Variants in STARD13 observed in about 807,000 individuals in gnomAD.
STARD13 encodes StAR related lipid transfer domain containing 13, also known as stAR-related lipid transfer protein 13.
A neutral mutation model predicts 106.4 loss-of-function variants in STARD13; 62 were observed. The observed-to-expected ratio is 0.58, with a 90% CI of 0.48 to 0.72. STARD13 has a LOEUF of 0.72. Ranked by LOEUF, STARD13 falls within the 30% of genes least tolerant of loss-of-function variation. STARD13 has a pLI of 0.00. For synonymous variants in STARD13, 565 were observed against 553.0 expected, an observed-to-expected ratio of 1.02 and a Z score of -0.31; for missense variants, 1,387 against 1,424.0, an observed-to-expected ratio of 0.97 and a Z score of 0.42.
At chr13:33,424,915 A>G in the STARD13 span, among the ~76,000 whole-genome samples, 1 of 152,204 alleles carries the variant, frequency 6.6e-6, no homozygotes, top group African/African-American at 2.4e-5. Context: ...CAGCAGAGAA[A>G]GTGGTTTGCT....
the STARD13 span, among the ~76,000 whole-genome samples, chr13:33,358,721 A>G: frequency 3.9e-5 from 6 of 152,166 alleles, no homozygotes; most frequent in African/African-American, 1.4e-4. Context: ...GAGTGCACCA[A>G]TCGACACTCT....
At chr13:33,493,397 G>A in the STARD13 span, among the ~76,000 whole-genome samples, 10 of 152,184 alleles carry the variant, frequency 6.6e-5, no homozygotes, top group Admixed American at 2.6e-4. Context: ...TGTCCAAACC[G>A]GTAGAACTAT....
the STARD13 span, among the ~76,000 whole-genome samples, chr13:33,636,782 C>T: frequency 6.6e-5 from 10 of 152,190 alleles, no homozygotes; most frequent in Non-Finnish European, 1.5e-4. Context: ...TTGGCTGGGT[C>T]GTCAGGACCC....
At chr13:33,540,352 T>A in the STARD13 span, among the ~76,000 whole-genome samples, 6 of 152,188 alleles carry the variant, frequency 3.9e-5, no homozygotes, top group African/African-American at 1.4e-4. Context: ...ATTGCCAGTA[T>A]CACTACTATT....
intron 1 of STARD13, among the ~76,000 whole-genome samples, chr13:33,296,670 G>A (rs1892508216): frequency 6.6e-6 from 1 of 152,166 alleles, no homozygotes; most frequent in Non-Finnish European, 1.5e-5. Flanking sequence ...CCAGGCTGGA[G>A]TGCAATGGTA....
the STARD13 span, among the ~76,000 whole-genome samples, chr13:33,521,700 CAG>C: frequency 6.6e-6 from 1 of 152,070 alleles, no homozygotes; most frequent in South Asian, 2.1e-4. Context: ...TAAGAATTGA[CAG>C]ATTATGATTT....
At chr13:33,446,864 A>G in the STARD13 span, among the ~76,000 whole-genome samples, 1 of 152,206 alleles carries the variant, frequency 6.6e-6, no homozygotes, top group Non-Finnish European at 1.5e-5. Flanking sequence ...TACAGTTAAC[A>G]TTTAAGGAAA....
chr13:33,599,197 A>G, the STARD13 span, among the ~76,000 whole-genome samples: 1 of 152,320 alleles, frequency 6.6e-6, no homozygotes, highest in African/African-American at 2.4e-5. Context: ...AAAAGCAGTA[A>G]GTAAAGAAAT....
intron 1 of STARD13, among the ~76,000 whole-genome samples, chr13:33,321,507 GAA>G (rs552088112): frequency 2.2e-5 from 3 of 133,840 alleles, no homozygotes; most frequent in Admixed American, 7.5e-5. Context: ...CCGTCTCAGG[GAA>G]AAAAAAAAAA....
intron 1 of STARD13, among the ~76,000 whole-genome samples, chr13:33,282,991 C>T (rs562827850): frequency 1.3e-5 from 2 of 152,272 alleles, no homozygotes; most frequent in South Asian, 2.1e-4. Flanking sequence ...GATCACACCA[C>T]TGCACTCCAG....
the STARD13 span, among the ~76,000 whole-genome samples, chr13:33,614,640 G>A: frequency 6.6e-6 from 1 of 152,224 alleles, no homozygotes; most frequent in Non-Finnish European, 1.5e-5. Context: ...AAACAAAACA[G>A]GGTAATGTGA....
At chr13:33,382,031 G>C in the STARD13 span, among the ~76,000 whole-genome samples, 3 of 152,260 alleles carry the variant, frequency 2.0e-5, no homozygotes, top group East Asian at 5.8e-4. Flanking sequence ...TCCATAAGCT[G>C]AAGATCTTCT....
chr13:33,244,001 T>G (rs928866181), intron 1 of STARD13, among the ~76,000 whole-genome samples: 4 of 145,830 alleles, frequency 2.7e-5, no homozygotes, highest in Admixed American at 1.4e-4. Flanking sequence ...CCAGAAGTGT[T>G]TCAGATTCCG....
At chr13:33,123,078 A>AT (rs1167072762) in intron 7 of STARD13, among the ~76,000 whole-genome samples, 1 of 150,986 alleles carries the variant, frequency 6.6e-6, no homozygotes, top group East Asian at 1.9e-4. Flanking sequence ...AAAAAAAAAA[A>AT]AGCAAGGACT....
chr13:33,144,620 T>A (rs1442696111), intron 3 of STARD13, among the ~76,000 whole-genome samples: 1 of 152,214 alleles, frequency 6.6e-6, no homozygotes, highest in Non-Finnish European at 1.5e-5. Flanking sequence ...CAATGCTGAG[T>A]TGGAAGCTGA....
At chr13:33,335,076 G>A (rs1372857537) in intron 1 of STARD13, 1 of 152,774 alleles carries the variant, frequency 6.5e-6, no homozygotes, top group East Asian at 1.9e-4. Flanking sequence ...TAGGAGCCTG[G>A]ACTCAAATCC....
At chr13:33,552,169 T>C in the STARD13 span, among the ~76,000 whole-genome samples, 1 of 152,036 alleles carries the variant, frequency 6.6e-6, no homozygotes, top group Admixed American at 6.6e-5. Context: ...TAAAGAGAGA[T>C]ATAGACAATA....
chr13:33,366,031 C>A, the STARD13 span, among the ~76,000 whole-genome samples: 2 of 151,440 alleles, frequency 1.3e-5, no homozygotes, highest in Admixed American at 6.6e-5. This position sits in a 1 kb window ranked among gnomAD's most constrained non-coding sequence, Gnocchi z 4.2. Flanking sequence ...TTAATAATGC[C>A]AGTTAGAGAC....
the STARD13 span, among the ~76,000 whole-genome samples, chr13:33,542,929 C>T: frequency 6.6e-6 from 1 of 152,232 alleles, no homozygotes; most frequent in African/African-American, 2.4e-5. Context: ...TTCTCCCGCC[C>T]TGGACGGGGA....
Sources: allele counts gnomAD v4.1 joint callset (sites outside exome capture counted in the v4.1 genomes callset), GRCh38; gene constraint gnomAD v4.1.1; non-coding constraint Gnocchi (gnomAD v3.1); transcripts MANE v1.5; gene names NCBI Gene and HGNC (gene_info 2026-07-23, HGNC 2026-07-21).